The following CADM2 variants were observed in gnomAD, a reference collection of about 807,000 sequenced individuals.
CADM2 encodes cell adhesion molecule 2, also known as immunoglobulin superfamily member 4D.
A neutral mutation model predicts 49.8 loss-of-function variants in CADM2; 12 were observed. The ratio of observed to expected loss-of-function variants is 0.24; its 90% CI spans 0.15 to 0.39. The LOEUF (loss-of-function observed/expected upper bound fraction) is 0.39, where lower values mean the gene tolerates loss of function less well. Ranked by LOEUF, CADM2 falls within the 10% of genes least tolerant of loss-of-function variation. The pLI, the probability that CADM2 is intolerant of heterozygous loss-of-function variation, is 1.00. For synonymous variants in CADM2, 214 were observed against 175.4 expected, an observed-to-expected ratio of 1.22 and a Z score of -1.74; for missense variants, 378 against 492.3, an observed-to-expected ratio of 0.77 and a Z score of 2.20.
chr3:85,174,080 C>T (rs1025736198), intron 1 of CADM2, among the ~76,000 whole-genome samples: 1 of 152,082 alleles, frequency 6.6e-6, no homozygotes, highest in East Asian at 1.9e-4. Context: ...TGAAAATGCA[C>T]AGTGGGCTCA....
chr3:85,709,571 C>A (rs1276220858), intron 1 of CADM2, among the ~76,000 whole-genome samples: 2 of 152,060 alleles, frequency 1.3e-5, no homozygotes, highest in South Asian at 2.1e-4. Flanking sequence ...GAGAGCAGAC[C>A]TTTTAGGTTG....
At chr3:85,427,872 C>T (rs982514436) in intron 1 of CADM2, among the ~76,000 whole-genome samples, 19 of 152,024 alleles carry the variant, frequency 1.2e-4, no homozygotes, top group Admixed American at 9.8e-4. Context: ...AGTCCTTATA[C>T]GTGAAACATG....
chr3:85,844,813 T>C (rs1270816101), intron 3 of CADM2, among the ~76,000 whole-genome samples: 1 of 151,996 alleles, frequency 6.6e-6, no homozygotes, highest in Non-Finnish European at 1.5e-5. Context: ...ATTAACTGGA[T>C]TCTCTGGAGT....
chr3:85,782,611 G>A (rs1250241347), intron 2 of CADM2, among the ~76,000 whole-genome samples: 4 of 149,654 alleles, frequency 2.7e-5, no homozygotes, highest in African/African-American at 4.9e-5. Flanking sequence ...AGCCAAGATC[G>A]TGCCACTGTA....
intron 1 of CADM2, among the ~76,000 whole-genome samples, chr3:85,319,710 A>G (rs1263208118): frequency 1.3e-5 from 2 of 152,184 alleles, no homozygotes; most frequent in East Asian, 3.9e-4. Context: ...CAAGTACCAT[A>G]TGTTCTCACA....
At chr3:85,229,854 A>G (rs781778724) in intron 1 of CADM2, among the ~76,000 whole-genome samples, 2 of 152,164 alleles carry the variant, frequency 1.3e-5, no homozygotes, top group Non-Finnish European at 2.9e-5. Flanking sequence ...GTTTAACATT[A>G]ATGACTACAT....
At chr3:85,101,103 A>C (rs2037994199) in intron 1 of CADM2, among the ~76,000 whole-genome samples, 1 of 152,028 alleles carries the variant, frequency 6.6e-6, no homozygotes, top group Non-Finnish European at 1.5e-5. Flanking sequence ...AAAATAGAAA[A>C]ATTAGCTGGG....
chr3:84,963,563 T>C (rs1249040503), intron 1 of CADM2, among the ~76,000 whole-genome samples: 1 of 151,812 alleles, frequency 6.6e-6, no homozygotes, highest in East Asian at 1.9e-4. Flanking sequence ...TTAGGTTTTT[T>C]TGTTTGTTTG....
intron 1 of CADM2, among the ~76,000 whole-genome samples, chr3:85,416,355 C>T (rs1279595608): frequency 1.3e-5 from 2 of 151,956 alleles, no homozygotes; most frequent in Non-Finnish European, 2.9e-5. Context: ...TATACAATAA[C>T]AAGATCTTTT....
chr3:85,028,592 G>T lies in CADM2; in HGVS notation c.61+68924G>T, dbSNP rs147820684. ...ATACAAAACTCTCTGGAGACCTTTT[G>T]GACTCCTCTGTTAATGCAGGGAAAA... On this transcript the variant is annotated intron_variant, in intron 1 of 9. Transcript: ENST00000383699. Among the ~76,000 whole-genome samples the T allele has an allele frequency of 2.1e-3, 315 of 151,998 alleles. 1 individual carries two copies. Among genetic ancestry groups the T allele is most frequent in the African/African-American group, 7.4e-3 (305 of 41,478 alleles).
chr3:85,176,707 C>T (rs2040795993), intron 1 of CADM2, among the ~76,000 whole-genome samples: 1 of 152,052 alleles, frequency 6.6e-6, no homozygotes, highest in Non-Finnish European at 1.5e-5. Flanking sequence ...CTGACTAATG[C>T]TCTGTAGGCT....
chr3:85,727,960 AGT>A lies in CADM2; in HGVS notation c.88+1415_88+1416del, dbSNP rs553718665. On this transcript the variant is annotated intron_variant, in intron 2 of 9. Transcript: ENST00000383699. ...ATGAAACCTGGTACTTTTATAAGAAAGTGTAGAAAAATAAATTCTAAGATGAT... is the reference window on the plus strand; with the variant it reads ...ATGAAACCTGGTACTTTTATAAGAAAGTAGAAAAATAAATTCTAAGATGAT... Among the ~76,000 whole-genome samples the A allele has an allele frequency of 9.8e-4, 150 of 152,326 alleles. 1 individual carries two copies. The highest frequency in any genetic ancestry group is 3.4e-3 in the Middle Eastern group (1 of 294).
At chr3:85,835,227 A>G (rs1421671151) in intron 3 of CADM2, among the ~76,000 whole-genome samples, 1 of 151,076 alleles carries the variant, frequency 6.6e-6, no homozygotes, top group Non-Finnish European at 1.5e-5. Context: ...TAATGTTTTG[A>G]TAGACATATT....
At chr3:86,040,630 A>C (rs1412380112) in intron 8 of CADM2, among the ~76,000 whole-genome samples, 2 of 152,216 alleles carry the variant, frequency 1.3e-5, no homozygotes, top group Non-Finnish European at 2.9e-5. Flanking sequence ...AGTGATGGGG[A>C]GAATGGAACA....
chr3:85,620,393 C>T (rs952865115), intron 1 of CADM2, among the ~76,000 whole-genome samples: 5 of 151,698 alleles, frequency 3.3e-5, no homozygotes, highest in Non-Finnish European at 5.9e-5. Flanking sequence ...TATACACTTA[C>T]GTATAAAGAT....
intron 2 of CADM2, among the ~76,000 whole-genome samples, chr3:85,786,280 G>A (rs565957788): frequency 6.6e-6 from 1 of 152,062 alleles, no homozygotes; most frequent in East Asian, 1.9e-4. Flanking sequence ...TACAAAAAAA[G>A]TATTAATTCT....
At chr3:85,023,563 T>C (rs2034598375) in intron 1 of CADM2, among the ~76,000 whole-genome samples, 1 of 152,004 alleles carries the variant, frequency 6.6e-6, no homozygotes, top group Admixed American at 6.6e-5. Flanking sequence ...TCTCCTTCCT[T>C]GAATTGGGAT....
At position 86,009,348 on chromosome 3, in the gene CADM2, C is replaced by T. The variant is rs563236793; in HGVS notation, c.970+47701C>T. 4.0e-5 allele frequency among the ~76,000 whole-genome samples: 6 copies of T among 148,472 alleles called. 1 individual carries two copies. Among genetic ancestry groups the T allele is most frequent in the African/African-American group, 1.5e-4 (6 of 40,512 alleles). On this transcript the variant is annotated intron_variant, in intron 8 of 9. Coordinates refer to ENST00000383699, the MANE Select transcript of CADM2 (RefSeq NM_001167675.2). ...TAAAAAATATTTGTTTCTCTGGAAC[C>T]TGATCCTCAATTATTTCAGAAATTT...
intron 1 of CADM2, among the ~76,000 whole-genome samples, chr3:85,345,887 G>A (rs1411133311): frequency 6.6e-6 from 1 of 152,086 alleles, no homozygotes; most frequent in African/African-American, 2.4e-5. Context: ...GATAATTGGG[G>A]CATCATGTCT....
Sources: gnomAD v4.1 joint callset for allele counts (sites outside exome capture counted in the v4.1 genomes callset) on GRCh38, gnomAD v4.1.1 for gene constraint, MANE v1.5 for transcripts, NCBI Gene and HGNC (gene_info 2026-07-23, HGNC 2026-07-21) for gene names.